The following CDH13 variants were observed in gnomAD, a reference collection of about 807,000 sequenced individuals.
CDH13 encodes the protein cadherin-13.
A neutral mutation model predicts 63.8 loss-of-function variants in CDH13; 24 were observed. The ratio of observed to expected loss-of-function variants is 0.38; its 90% confidence interval spans 0.27 to 0.53. The LOEUF (loss-of-function observed/expected upper bound fraction) is 0.53. Among genes scored for constraint, CDH13 ranks in the 20% least tolerant of loss-of-function variants. The probability of loss-of-function intolerance (pLI) is 0.85; values close to 1 mark genes in which losing one functional copy is unlikely to be tolerated. For missense variants in CDH13, 1,049 were observed against 903.1 expected (o/e 1.16, Z -2.07); for synonymous variants, 503 against 355.3 (o/e 1.42, Z -4.67).
Position 83,321,020 on chromosome 16 carries a change from G to A in CDH13, c.637-23842G>A, listed in dbSNP as rs73595977. 1.3e-3 allele frequency among the ~76,000 whole-genome samples: 199 copies of A among 152,324 alleles called. 2 individuals are homozygous for A. Among genetic ancestry groups the A allele is most frequent in the African/African-American group, 4.2e-3 (176 of 41,568 alleles). ...AACTGAGACCATGTGATGCTACCAG[G>A]TGATAGTTTAATGAGAACTGAAGGT... On this transcript the variant is annotated intron_variant, in intron 5 of 13. Transcript: ENST00000567109.
chr16:82,654,002 A>C (rs1398822236), intron 1 of CDH13, among the ~76,000 whole-genome samples: 1 of 152,196 alleles, frequency 6.6e-6, no homozygotes, highest in Non-Finnish European at 1.5e-5. Flanking sequence ...GGTTTCTTCC[A>C]GCCCAGCTTC....
At chr16:83,219,590 T>A in intron 5 of CDH13, among the ~76,000 whole-genome samples, 1 of 152,188 alleles carries the variant, frequency 6.6e-6, no homozygotes. Context: ...CAATAATCAA[T>A]GATATTAAAG....
At chr16:83,300,004 A>C (rs574308223) in intron 5 of CDH13, among the ~76,000 whole-genome samples, 5 of 152,114 alleles carry the variant, frequency 3.3e-5, no homozygotes, top group African/African-American at 1.2e-4. Context: ...TAAGTTGTCA[A>C]ATGAGAGCCT....
At chr16:82,663,804 T>C (rs1912265506) in intron 1 of CDH13, among the ~76,000 whole-genome samples, 1 of 152,184 alleles carries the variant, frequency 6.6e-6, no homozygotes, top group Non-Finnish European at 1.5e-5. Context: ...TCTGGTCCCC[T>C]TTGTGATCCT....
intron 2 of CDH13, among the ~76,000 whole-genome samples, chr16:82,914,886 C>A (rs1490911126): frequency 6.6e-6 from 1 of 152,198 alleles, no homozygotes; most frequent in East Asian, 1.9e-4. Flanking sequence ...TCCAGTGACA[C>A]CAAACGGTGT....
In CDH13 at chr16:83,662,970, C is replaced by T. The variant is rs1001437403; in HGVS notation, c.1102-7820C>T. On this transcript the variant is annotated intron_variant, in intron 8 of 13. Coordinates refer to ENST00000567109, the MANE Select transcript of CDH13 (RefSeq NM_001257.5). The stretch of plus-strand genomic sequence containing the variant: ...TTGTCTTTGAGTCCCAGAAAAAAAT[C>T]TCTTTTGTAAATTTTTCTCTCAATT... Among the ~76,000 whole-genome samples, 3 of 152,166 alleles carry T rather than the reference C, an allele frequency of 2.0e-5. No homozygotes were observed. The East Asian group carries it at 5.8e-4, about 29-fold the overall frequency.
At chr16:82,964,678 G>T (rs931488213) in intron 2 of CDH13, among the ~76,000 whole-genome samples, 1 of 152,224 alleles carries the variant, frequency 6.6e-6, no homozygotes, top group South Asian at 2.1e-4. Flanking sequence ...GCTTCCAGTG[G>T]TTAATAGAGG....
At chr16:82,718,346 G>A (rs943143601) in intron 1 of CDH13, among the ~76,000 whole-genome samples, 1 of 152,158 alleles carries the variant, frequency 6.6e-6, no homozygotes, top group Admixed American at 6.5e-5. Context: ...GCCTCTGTAG[G>A]GCACAGGTGA....
At chr16:83,292,593 C>A (rs749915452) in intron 5 of CDH13, among the ~76,000 whole-genome samples, 2 of 152,120 alleles carry the variant, frequency 1.3e-5, no homozygotes, top group East Asian at 1.9e-4. Context: ...AGGAGCTATA[C>A]CTCTCCCAGA....
chr16:83,617,159 C>A (rs927022308), intron 8 of CDH13, among the ~76,000 whole-genome samples: 1 of 152,176 alleles, frequency 6.6e-6, no homozygotes, highest in African/African-American at 2.4e-5. Flanking sequence ...AGCCCATCTC[C>A]TTTTCATCTC....
chr16:83,272,148 G>C (rs559090940), intron 5 of CDH13, among the ~76,000 whole-genome samples: 78 of 152,232 alleles, frequency 5.1e-4, no homozygotes, highest in African/African-American at 1.9e-3. Context: ...CTCACCACTG[G>C]GGATGCAATG....
intron 2 of CDH13, among the ~76,000 whole-genome samples, chr16:82,885,221 A>G (rs1749291596): frequency 6.6e-6 from 1 of 152,240 alleles, no homozygotes; most frequent in Non-Finnish European, 1.5e-5. Flanking sequence ...ATTTTAATGT[A>G]AAACATATTT....
intron 5 of CDH13, among the ~76,000 whole-genome samples, chr16:83,218,807 C>G (rs1362819007): frequency 6.6e-6 from 1 of 152,020 alleles, no homozygotes; most frequent in African/African-American, 2.4e-5. Flanking sequence ...TGGGAGGGAC[C>G]CAGTGGGAGG....
At chr16:83,762,616 A>G (rs1213290087) in intron 11 of CDH13, among the ~76,000 whole-genome samples, 1 of 152,154 alleles carries the variant, frequency 6.6e-6, no homozygotes, top group East Asian at 1.9e-4. Context: ...GATTTCTCGT[A>G]AGGGTTCTGG....
intron 3 of CDH13, among the ~76,000 whole-genome samples, chr16:83,053,973 A>G (rs1359386858): frequency 6.6e-6 from 1 of 152,216 alleles, no homozygotes; most frequent in Admixed American, 6.5e-5. Context: ...TAAAATTATA[A>G]TACCATATTT....
At chr16:83,185,801 C>T (rs2038498989) in intron 4 of CDH13, among the ~76,000 whole-genome samples, 1 of 152,188 alleles carries the variant, frequency 6.6e-6, no homozygotes, top group Admixed American at 6.5e-5. Flanking sequence ...CTTACAACAG[C>T]TCATTCCACA....
intron 2 of CDH13, among the ~76,000 whole-genome samples, chr16:82,966,601 CA>C (rs1169078473): frequency 2.8e-4 from 43 of 152,318 alleles, no homozygotes; most frequent in Non-Finnish European, 2.8e-4. Context: ...TTTTATAATA[CA>C]CAGGGATTTT....
chr16:83,580,393 A>AAT, intron 7 of CDH13, among the ~76,000 whole-genome samples: 1 of 151,640 alleles, frequency 6.6e-6, no homozygotes, highest in East Asian at 1.9e-4. Flanking sequence ...GAAGGTCCAA[A>AAT]ATCTAAGACT....
At chr16:82,840,451 G>C (rs983472057) in intron 1 of CDH13, among the ~76,000 whole-genome samples, 11 of 151,648 alleles carry the variant, frequency 7.3e-5, no homozygotes, top group African/African-American at 2.4e-4. Flanking sequence ...GGGAGGCCCA[G>C]GTGGACAGAT....
Sources: allele counts gnomAD v4.1 joint callset (sites outside exome capture counted in the v4.1 genomes callset), GRCh38; gene constraint gnomAD v4.1.1; transcripts MANE v1.5; gene names NCBI Gene and HGNC (gene_info 2026-07-23, HGNC 2026-07-21).